Variants in ZDHHC20 observed in about 807,000 individuals in gnomAD.
ZDHHC20 encodes palmitoyltransferase ZDHHC20.
In ZDHHC20, 43 loss-of-function variants were observed where a neutral mutation model predicts 57.8. The observed-to-expected ratio is 0.74, with a 90% CI of 0.58 to 0.96. The LOEUF is 0.96. Among genes scored for constraint, ZDHHC20 ranks in the 40% least tolerant of loss-of-function variants. The pLI, the probability that ZDHHC20 is intolerant of heterozygous loss-of-function variation, is 0.00. For synonymous variants in ZDHHC20, 157 were observed against 153.0 expected (o/e 1.03, Z -0.19); for missense variants, 391 against 441.1 (o/e 0.89, Z 1.02).
chr13:21,406,568 T>C (rs368723202), intron 4 of ZDHHC20, among the ~76,000 whole-genome samples: 160 of 151,602 alleles, frequency 1.1e-3, no homozygotes, highest in African/African-American at 3.8e-3. Flanking sequence ...CAGTGTGTGA[T>C]GTTCCCCTCC....
intron 1 of ZDHHC20, among the ~76,000 whole-genome samples, chr13:21,442,792 T>C (rs1883314589): frequency 6.6e-6 from 1 of 152,182 alleles, no homozygotes; most frequent in African/African-American, 2.4e-5. Flanking sequence ...TGCAGTTTCT[T>C]TTATTCAGCA....
chr13:21,418,050 T>G (rs909731697), intron 3 of ZDHHC20, among the ~76,000 whole-genome samples: 1 of 152,176 alleles, frequency 6.6e-6, no homozygotes, highest in African/African-American at 2.4e-5. Flanking sequence ...CCCATGAAGA[T>G]TTAATAATTA....
chr13:21,383,010 C>T lies in ZDHHC20; in HGVS notation c.855-1G>A. 1 of 1,555,248 alleles carries T rather than the reference C, an allele frequency of 6.4e-7. No homozygotes were observed. The highest frequency in any genetic ancestry group is 1.4e-5 in the African/African-American group (1 of 73,266). ...TGGAAAACTGCAACCATCACCCAAG[C>T]TGCATAATGAAAAAGAGTAATAATT... is the stretch of plus-strand genomic sequence containing the variant. On this transcript the variant is annotated splice_acceptor_variant, in intron 9 of 12. Coordinates refer to ENST00000400590, the MANE Select transcript of ZDHHC20 (RefSeq NM_001330059.2). LOFTEE classifies it high-confidence loss of function.
At chr13:21,412,083 A>G (rs1358004804) in intron 4 of ZDHHC20, among the ~76,000 whole-genome samples, 1 of 152,234 alleles carries the variant, frequency 6.6e-6, no homozygotes, top group African/African-American at 2.4e-5. Context: ...TGCTCTGGGC[A>G]GAGGTCTGCA....
intron 8 of ZDHHC20, among the ~76,000 whole-genome samples, chr13:21,390,909 A>G (rs1322436174): frequency 1.3e-5 from 2 of 152,072 alleles, no homozygotes; most frequent in East Asian, 3.8e-4. Flanking sequence ...AAAAAAAGAA[A>G]AAAAAAAAAG....
chr13:21,378,762 A>T (rs1389279608), intron 11 of ZDHHC20, 24 bp from the exon 12 acceptor site: 4 of 1,164,106 alleles, frequency 3.4e-6, no homozygotes, highest in Non-Finnish European at 2.3e-6. Context: ...ATTATATATG[A>T]CATGACAAAA....
intron 7 of ZDHHC20, among the ~76,000 whole-genome samples, chr13:21,397,723 G>A (rs963546706): frequency 1.3e-5 from 2 of 152,114 alleles, no homozygotes; most frequent in African/African-American, 4.8e-5. Flanking sequence ...CTTTTCATGT[G>A]TAAATATGAA....
intron 4 of ZDHHC20, among the ~76,000 whole-genome samples, chr13:21,406,669 A>T (rs1878492151): frequency 6.6e-6 from 1 of 152,134 alleles, no homozygotes; most frequent in Non-Finnish European, 1.5e-5. Flanking sequence ...TTTGCTGAAA[A>T]TGATGGCTTC....
chr13:21,456,163 T>C (rs1885686), intron 1 of ZDHHC20, among the ~76,000 whole-genome samples: 39,156 of 152,124 alleles, frequency 0.26, 5,939 homozygotes, highest in East Asian at 0.73. Flanking sequence ...CCCAGCACTT[T>C]GGGAGGCCAA....
At chr13:21,434,636 A>T (rs1047372224) in intron 1 of ZDHHC20, among the ~76,000 whole-genome samples, 1 of 152,090 alleles carries the variant, frequency 6.6e-6, no homozygotes, top group African/African-American at 2.4e-5. Flanking sequence ...AGTGATTTGG[A>T]GTGACTCAAA....
At chr13:21,425,017 AT>A (rs2137924455) in intron 2 of ZDHHC20, among the ~76,000 whole-genome samples, 1 of 152,260 alleles carries the variant, frequency 6.6e-6, no homozygotes, top group Non-Finnish European at 1.5e-5. Context: ...TATTTTAGAA[AT>A]CCTCTGGAGT....
chr13:21,375,769 A>C lies in ZDHHC20; in HGVS notation c.*927T>G, dbSNP rs1566055178. 1 of 152,312 alleles carries C rather than the reference A, an allele frequency of 6.6e-6. No homozygotes were observed. Among genetic ancestry groups the C allele is most frequent in the Admixed American group, 6.5e-5 (1 of 15,298 alleles). 9.4% of individuals were successfully genotyped at this position (152,312 alleles called of 1,614,324 possible). On this transcript the variant is annotated 3_prime_UTR_variant, in exon 13 of 13. Transcript: ENST00000400590. ...GAAAGTGAAGTCAACAGCATGCTTT[A>C]TTCTAACTGCTGTTAAAACTCAAAA...
chr13:21,424,506 G>A (rs1288530359), intron 2 of ZDHHC20, among the ~76,000 whole-genome samples: 1 of 152,064 alleles, frequency 6.6e-6, no homozygotes, highest in African/African-American at 2.4e-5. Context: ...TCAGGAGATC[G>A]AGACCATCCT....
At chr13:21,434,717 T>C (rs543903792) in intron 1 of ZDHHC20, among the ~76,000 whole-genome samples, 1 of 152,308 alleles carries the variant, frequency 6.6e-6, no homozygotes, top group East Asian at 1.9e-4. Context: ...TCAGGCCAGA[T>C]GTCTTGTGAA....
chr13:21,404,688 A>G (rs1230201363), intron 4 of ZDHHC20, among the ~76,000 whole-genome samples: 6 of 151,252 alleles, frequency 4.0e-5, no homozygotes, highest in Admixed American at 2.6e-4. Flanking sequence ...CAGGAGGCGG[A>G]GCTTGCAGTG....
At chr13:21,403,378 A>G (rs1877983896) in intron 4 of ZDHHC20, among the ~76,000 whole-genome samples, 2 of 152,174 alleles carry the variant, frequency 1.3e-5, no homozygotes, top group Admixed American at 6.5e-5. Context: ...AAAAACTCTG[A>G]ATTGTTTTCC....
chr13:21,410,868 A>G (rs920571729), intron 4 of ZDHHC20, among the ~76,000 whole-genome samples: 10 of 152,118 alleles, frequency 6.6e-5, no homozygotes, highest in African/African-American at 2.4e-4. Flanking sequence ...AGGAGAAGGA[A>G]CAGTTCTGTC....
intron 7 of ZDHHC20, among the ~76,000 whole-genome samples, chr13:21,395,093 G>A (rs907539785): frequency 2.0e-5 from 3 of 147,966 alleles, no homozygotes; most frequent in African/African-American, 7.5e-5. Flanking sequence ...TTGAGATAGA[G>A]TCTCGATCTG....
chr13:21,398,420 C>T (rs903064326), intron 7 of ZDHHC20, among the ~76,000 whole-genome samples: 3 of 150,988 alleles, frequency 2.0e-5, no homozygotes, highest in African/African-American at 7.3e-5. Context: ...GCCAAGATCG[C>T]GCCACTGCAC....
Sources: gnomAD v4.1 joint callset for allele counts (sites outside exome capture counted in the v4.1 genomes callset) on GRCh38, gnomAD v4.1.1 for gene constraint, MANE v1.5 for transcripts, NCBI Gene and HGNC (gene_info 2026-07-23, HGNC 2026-07-21) for gene names.